The following CWC27 variants were observed in gnomAD, a reference collection of about 807,000 sequenced individuals.
CWC27 encodes the protein spliceosome-associated protein CWC27 homolog.
Under a neutral mutation model 63.6 loss-of-function variants are expected in CWC27, and 47 were observed. The observed-to-expected ratio is 0.74, with a 90% CI of 0.58 to 0.94. The LOEUF (loss-of-function observed/expected upper bound fraction) is 0.94. Ranked by LOEUF, CWC27 falls within the 40% of genes least tolerant of loss-of-function variation. CWC27 has a pLI of 0.00. For synonymous variants in CWC27, 175 were observed against 179.8 expected, an observed-to-expected ratio of 0.97 and a Z score of 0.22; for missense variants, 495 against 554.3, an observed-to-expected ratio of 0.89 and a Z score of 1.07.
intron 2 of CWC27, among the ~76,000 whole-genome samples, chr5:64,779,301 T>C (rs1433673032): frequency 4.6e-5 from 7 of 152,232 alleles, no homozygotes. Context: ...AGCATGTGAT[T>C]GAATCATGAC....
chr5:64,916,809 T>A (rs1343924713), intron 11 of CWC27, among the ~76,000 whole-genome samples: 3 of 152,266 alleles, frequency 2.0e-5, no homozygotes, highest in South Asian at 2.1e-4. Context: ...CATGTTCATT[T>A]GTTTATTGCG....
At chr5:64,889,153 A>G (rs62369356) in intron 11 of CWC27, among the ~76,000 whole-genome samples, 56,657 of 151,982 alleles carry the variant, frequency 0.37, 11,266 homozygotes, top group East Asian at 0.52. Flanking sequence ...TCATAGATCA[A>G]AAGAGACTAA....
chr5:64,812,407 C>T (rs6888752), intron 10 of CWC27, among the ~76,000 whole-genome samples: 61,092 of 151,868 alleles, frequency 0.4, 13,610 homozygotes, highest in African/African-American at 0.59. Context: ...TTTGTCCCAA[C>T]GTGTTGGACT....
intron 10 of CWC27, among the ~76,000 whole-genome samples, chr5:64,856,468 ATGTGTGTGTG>A (rs10640210): frequency 1.3e-5 from 2 of 149,588 alleles, no homozygotes; most frequent in African/African-American, 2.4e-5. Context: ...GTGTGTGTGT[ATGTGTGTGTG>A]TGTGTGTGTA....
Position 64,861,176 on chromosome 5 carries a change from T to C in CWC27, c.939-24267T>C, listed in dbSNP as rs1258508184. Among the ~76,000 whole-genome samples, 3 of 152,294 alleles carry C rather than the reference T, an allele frequency of 2.0e-5. No individual in the cohort carries two copies. In the East Asian group the frequency reaches 5.8e-4, roughly 29 times the overall value. Reference sequence around the variant, plus strand: ...TGCTACCTTTGGTTTTTTCACAACATGGTGGTCTCGGTTTCTAAGAAGACA... The same window carrying C: ...TGCTACCTTTGGTTTTTTCACAACACGGTGGTCTCGGTTTCTAAGAAGACA... On this transcript the variant is annotated intron_variant, in intron 10 of 13. Coordinates refer to ENST00000381070, the MANE Select transcript of CWC27 (RefSeq NM_005869.4).
At chr5:65,004,482 T>A (rs912410418) in intron 13 of CWC27, among the ~76,000 whole-genome samples, 1 of 151,318 alleles carries the variant, frequency 6.6e-6, no homozygotes, top group Non-Finnish European at 1.5e-5. Flanking sequence ...TAGTCTATTG[T>A]TGAAGCTCTC....
intron 13 of CWC27, among the ~76,000 whole-genome samples, chr5:64,986,308 G>A (rs1175804769): frequency 6.6e-6 from 1 of 152,154 alleles, no homozygotes; most frequent in African/African-American, 2.4e-5. Context: ...ATTCCCACCA[G>A]CAACAAATAA....
At chr5:65,004,909 T>TACACACACACAC (rs61613608) in intron 13 of CWC27, among the ~76,000 whole-genome samples, 10 of 65,086 alleles carry the variant, frequency 1.5e-4, no homozygotes, top group African/African-American at 6.2e-4. Context: ...TATATATACA[T>TACACACACACAC]ACACACACAC....
At chr5:64,800,720 G>A (rs908833527) in intron 8 of CWC27, among the ~76,000 whole-genome samples, 3 of 152,178 alleles carry the variant, frequency 2.0e-5, no homozygotes, top group African/African-American at 7.2e-5. Flanking sequence ...GAAGTTACCA[G>A]TTTGGGGGCC....
chr5:64,773,896 G>T (rs939702287), intron 1 of CWC27: 4 of 152,178 alleles, frequency 2.6e-5, no homozygotes, highest in African/African-American at 9.7e-5. Context: ...ACTATAGAAG[G>T]TGATTTTAAG....
chr5:64,932,439 A>G (rs1371632769), intron 11 of CWC27, among the ~76,000 whole-genome samples: 18 of 152,134 alleles, frequency 1.2e-4, no homozygotes, highest in Admixed American at 8.5e-4. Flanking sequence ...ACAGACCTCT[A>G]AAATCTAAAA....
chr5:65,000,325 GC>G (rs538716702), intron 13 of CWC27, among the ~76,000 whole-genome samples: 190 of 152,154 alleles, frequency 1.2e-3, no homozygotes, highest in African/African-American at 4.4e-3. Flanking sequence ...CTAGGCAGAA[GC>G]TTTTTAATTT....
intron 11 of CWC27, among the ~76,000 whole-genome samples, chr5:64,952,533 C>T (rs1748727837): frequency 6.6e-6 from 1 of 151,814 alleles, no homozygotes; most frequent in Admixed American, 6.6e-5. Context: ...AAGCATGGGG[C>T]CTTTTCTTAT....
chr5:65,001,869 T>G (rs980093005), intron 13 of CWC27, among the ~76,000 whole-genome samples: 2 of 114,024 alleles, frequency 1.8e-5, no homozygotes, highest in African/African-American at 7.7e-5. Context: ...TTATCTTCAA[T>G]TTTTTGGAAT....
chr5:64,839,267 A>G (rs1425161910), intron 10 of CWC27, among the ~76,000 whole-genome samples: 4 of 152,234 alleles, frequency 2.6e-5, no homozygotes, highest in Non-Finnish European at 5.9e-5. Flanking sequence ...TTCAGTATTC[A>G]TCTACTGGAT....
chr5:64,868,237 CAT>C (rs1746577460), intron 10 of CWC27, among the ~76,000 whole-genome samples: 1 of 151,990 alleles, frequency 6.6e-6, no homozygotes, highest in South Asian at 2.1e-4. Flanking sequence ...AATGAAAGAA[CAT>C]TTAGCTTATA....
chr5:64,870,226 C>T (rs971228835), intron 10 of CWC27, among the ~76,000 whole-genome samples: 1 of 151,818 alleles, frequency 6.6e-6, no homozygotes, highest in South Asian at 2.1e-4. Flanking sequence ...AATAAAATTG[C>T]CATGGAAATA....
intron 13 of CWC27, among the ~76,000 whole-genome samples, chr5:65,016,104 G>A (rs1750043552): frequency 6.6e-6 from 1 of 152,078 alleles, no homozygotes; most frequent in South Asian, 2.1e-4. Context: ...CATGGCTGTC[G>A]AACAGTCAGC....
chr5:64,817,428 A>G (rs1173932567), intron 10 of CWC27, among the ~76,000 whole-genome samples: 1 of 152,268 alleles, frequency 6.6e-6, no homozygotes. Flanking sequence ...AACAACAACA[A>G]CAACAACAAA....
Sources: gnomAD v4.1 joint callset for allele counts (sites outside exome capture counted in the v4.1 genomes callset) on GRCh38, gnomAD v4.1.1 for gene constraint, MANE v1.5 for transcripts, NCBI Gene and HGNC (gene_info 2026-07-23, HGNC 2026-07-21) for gene names.